FER: variants seen among roughly 807,000 people sequenced by gnomAD.
FER encodes the protein tyrosine-protein kinase Fer.
A neutral mutation model predicts 111.0 loss-of-function variants in FER; 63 were observed. That is an observed-to-expected ratio of 0.57 (90% CI 0.46 to 0.70). FER has a LOEUF of 0.70. Ranked by LOEUF, FER falls within the 30% of genes least tolerant of loss-of-function variation. The pLI is 0.00. For missense variants in FER, 914 were observed against 954.0 expected, an observed-to-expected ratio of 0.96 and a Z score of 0.55; for synonymous variants, 327 against 313.9, an observed-to-expected ratio of 1.04 and a Z score of -0.44.
Position 108,764,880 on chromosome 5 carries a change from C to G in FER, c.-205-3213C>G, listed in dbSNP as rs1355606167. Among the ~76,000 whole-genome samples, 3 of 152,080 alleles carry G rather than the reference C, an allele frequency of 2.0e-5. No homozygotes were observed. In the East Asian group the frequency reaches 5.8e-4, roughly 29 times the overall value. ...GGTAAGGCAAGAGAGTTGCCTAGGACACAAAATATGAGACATAATCACTTT... is the reference window on the plus strand; with the variant it reads ...GGTAAGGCAAGAGAGTTGCCTAGGAGACAAAATATGAGACATAATCACTTT... On this transcript the variant is annotated intron_variant, in intron 1 of 19. Coordinates refer to ENST00000281092, the MANE Select transcript of FER (RefSeq NM_005246.4).
Position 108,861,659 on chromosome 5 carries a change from C to T in FER, c.482-6108C>T, listed in dbSNP as rs572891624. Reference sequence around the variant, plus strand: ...GAATTTTTTCATTCTATGTACTTCACGTTAATTTTAAGAGCATATGCATTT... The same window carrying T: ...GAATTTTTTCATTCTATGTACTTCATGTTAATTTTAAGAGCATATGCATTT... On this transcript the variant is annotated intron_variant, in intron 5 of 19. Transcript: ENST00000281092. 8.0e-4 allele frequency among the ~76,000 whole-genome samples: 121 copies of T among 152,102 alleles called. 1 individual carries two copies. The highest frequency in any genetic ancestry group is 3.4e-3 in the Middle Eastern group (1 of 294).
At chr5:108,923,348 A>AT (rs1554094845) in intron 10 of FER, among the ~76,000 whole-genome samples, 16 of 151,732 alleles carry the variant, frequency 1.1e-4, no homozygotes, top group South Asian at 2.1e-4. Context: ...AAATTAAAAA[A>AT]TTTTTTTTTG....
chr5:108,789,198 TG>T (rs2150019160), intron 2 of FER, among the ~76,000 whole-genome samples: 1 of 152,366 alleles, frequency 6.6e-6, no homozygotes, highest in Admixed American at 6.5e-5. Context: ...ATTGTATTCA[TG>T]ATCTTGGTTT....
chr5:109,015,932 A>G (rs1767043579), intron 13 of FER, among the ~76,000 whole-genome samples: 1 of 151,896 alleles, frequency 6.6e-6, no homozygotes, highest in African/African-American at 2.4e-5. Flanking sequence ...TGCATCTCAG[A>G]TTTACCTTCT....
chr5:109,184,689 CAAG>C (rs1758665848), intron 18 of FER, among the ~76,000 whole-genome samples: 1 of 152,118 alleles, frequency 6.6e-6, no homozygotes, highest in Non-Finnish European at 1.5e-5. Flanking sequence ...GATAGGCAGA[CAAG>C]AAAATTAATC....
chr5:108,981,871 T>C (rs1762046840), intron 13 of FER, among the ~76,000 whole-genome samples: 2 of 152,124 alleles, frequency 1.3e-5, no homozygotes, highest in Non-Finnish European at 2.9e-5. Flanking sequence ...CCAAGTGGCA[T>C]CTAAGAGGAG....
chr5:108,896,754 T>A (rs1051662463), intron 9 of FER, among the ~76,000 whole-genome samples: 1 of 152,366 alleles, frequency 6.6e-6, no homozygotes, highest in East Asian at 1.9e-4. Flanking sequence ...TCAGTTTATG[T>A]TGAGACTTAT....
At chr5:108,989,675 CTCT>C (rs1454716979) in intron 13 of FER, among the ~76,000 whole-genome samples, 2 of 151,768 alleles carry the variant, frequency 1.3e-5, no homozygotes, top group Non-Finnish European at 1.5e-5. Flanking sequence ...ATTTTTGTAT[CTCT>C]TATTTATAAC....
At position 109,053,691 on chromosome 5, in the gene FER, A is replaced by ATTTTT. The variant is rs544623578; in HGVS notation, c.1924+6508_1924+6512dup. Among the ~76,000 whole-genome samples, 7 of 119,382 alleles carry ATTTTT rather than the reference A, an allele frequency of 5.9e-5. 1 individual carries two copies. The highest frequency in any genetic ancestry group is 1.0e-4 in the Non-Finnish European group (6 of 58,898). The allele number at this position is 119,382 out of a possible 152,430, so 78.3% of individuals were successfully genotyped here. A position where few individuals can be genotyped will look rare whatever the true frequency, so the allele number is the denominator to read the frequency against. ...TCTTTTTATTGCTGAGTGGAGTTCT[A>ATTTTT]TTTTTTTTTTTTTTTTTTTGAGACG... On this transcript the variant is annotated intron_variant, in intron 16 of 19. Coordinates refer to ENST00000281092, the MANE Select transcript of FER (RefSeq NM_005246.4).
intron 13 of FER, among the ~76,000 whole-genome samples, chr5:109,035,495 C>T (rs907316956): frequency 6.6e-6 from 1 of 152,164 alleles, no homozygotes; most frequent in Non-Finnish European, 1.5e-5. Flanking sequence ...GCCGAATAGT[C>T]AGTTCCCTGA....
intron 4 of FER, among the ~76,000 whole-genome samples, chr5:108,833,745 G>A (rs1760297268): frequency 6.6e-6 from 1 of 152,016 alleles, no homozygotes; most frequent in South Asian, 2.1e-4. Flanking sequence ...GTACTGGCGG[G>A]CGCCTGTAGT....
At chr5:109,154,459 T>C (rs1466627049) in intron 17 of FER, among the ~76,000 whole-genome samples, 2 of 151,868 alleles carry the variant, frequency 1.3e-5, no homozygotes, top group African/African-American at 2.4e-5. Flanking sequence ...AAGAAACTTT[T>C]TTATAGAGAG....
intron 17 of FER, among the ~76,000 whole-genome samples, chr5:109,164,259 C>T (rs1017860498): frequency 6.6e-6 from 1 of 152,162 alleles, no homozygotes; most frequent in Non-Finnish European, 1.5e-5. Context: ...CCCACGCTGG[C>T]ATAGTGTGTT....
chr5:109,064,006 A>G (rs1361519380), intron 16 of FER, among the ~76,000 whole-genome samples: 1 of 152,192 alleles, frequency 6.6e-6, no homozygotes, highest in East Asian at 1.9e-4. Flanking sequence ...CATGCGTAAT[A>G]TGTTTGATAT....
intron 5 of FER, among the ~76,000 whole-genome samples, chr5:108,846,107 C>A (rs1370136241): frequency 2.6e-5 from 4 of 152,102 alleles, no homozygotes; most frequent in African/African-American, 9.7e-5. Flanking sequence ...ATAATGCTGG[C>A]CTCAGACTGA....
chr5:109,102,139 A>G (rs1748305638), intron 17 of FER, among the ~76,000 whole-genome samples: 1 of 152,140 alleles, frequency 6.6e-6, no homozygotes, highest in South Asian at 2.1e-4. Flanking sequence ...TACATTGTAG[A>G]TGGCAGTTAG....
At chr5:109,056,901 G>A (rs10066497) in intron 16 of FER, among the ~76,000 whole-genome samples, 23,655 of 152,028 alleles carry the variant, frequency 0.16, 1,900 homozygotes, top group South Asian at 0.21. Context: ...TTCTTTTTCA[G>A]ATTCTTTTAG....
intron 17 of FER, among the ~76,000 whole-genome samples, chr5:109,133,317 CAG>C (rs1328899938): frequency 6.6e-6 from 1 of 152,018 alleles, no homozygotes; most frequent in Admixed American, 6.6e-5. Context: ...TACAGAAAAA[CAG>C]AAAAGTTTTG....
chr5:109,154,275 A>G (rs1755139674), intron 17 of FER, among the ~76,000 whole-genome samples: 2 of 151,850 alleles, frequency 1.3e-5, no homozygotes, highest in South Asian at 4.1e-4. Context: ...CAGGGAAGAA[A>G]CCTTCAGAGA....
Sources: gnomAD v4.1 joint callset for allele counts (sites outside exome capture counted in the v4.1 genomes callset) on GRCh38, gnomAD v4.1.1 for gene constraint, MANE v1.5 for transcripts, NCBI Gene and HGNC (gene_info 2026-07-23, HGNC 2026-07-21) for gene names.